TRABD2B: variants seen among roughly 807,000 people sequenced by gnomAD.
TRABD2B encodes the protein metalloprotease TIKI2.
In TRABD2B, 14 loss-of-function variants were observed where a neutral mutation model predicts 40.1. The ratio of observed to expected loss-of-function variants is 0.35; its 90% CI spans 0.23 to 0.55. TRABD2B has a LOEUF of 0.55. Among genes scored for constraint, TRABD2B ranks in the 20% least tolerant of loss-of-function variants. The pLI, the probability that TRABD2B is intolerant of heterozygous loss-of-function variation, is 0.90. For synonymous variants in TRABD2B, 263 were observed against 277.0 expected (o/e 0.95, Z 0.50); for missense variants, 541 against 648.6 (o/e 0.83, Z 1.80).
At chr1:47,807,473 T>C (rs1290507102) in intron 2 of TRABD2B, among the ~76,000 whole-genome samples, 1 of 152,196 alleles carries the variant, frequency 6.6e-6, no homozygotes, top group African/African-American at 2.4e-5. Context: ...TTAAGAACCA[T>C]GAGCAGTTGA....
intron 2 of TRABD2B, among the ~76,000 whole-genome samples, chr1:47,941,003 ACTC>A (rs1645179419): frequency 6.6e-6 from 1 of 151,772 alleles, no homozygotes; most frequent in Non-Finnish European, 1.5e-5. Flanking sequence ...ACACTTACCC[ACTC>A]CCGACTGGCT....
chr1:47,955,256 C>T (rs1645401758), intron 2 of TRABD2B, among the ~76,000 whole-genome samples: 1 of 152,190 alleles, frequency 6.6e-6, no homozygotes, highest in African/African-American at 2.4e-5. Context: ...ACAACTACTA[C>T]GTTAAGAACC....
intron 2 of TRABD2B, among the ~76,000 whole-genome samples, chr1:47,965,601 G>A (rs1186032639): frequency 6.6e-6 from 1 of 152,152 alleles, no homozygotes; most frequent in East Asian, 1.9e-4. Flanking sequence ...GACACTGGGG[G>A]AGTCTGTTTC....
chr1:47,824,205 C>T (rs1340919615), intron 2 of TRABD2B, among the ~76,000 whole-genome samples: 1 of 152,144 alleles, frequency 6.6e-6, no homozygotes, highest in African/African-American at 2.4e-5. Flanking sequence ...CGCTCGTGTC[C>T]TCTTTCCTCA....
intron 2 of TRABD2B, among the ~76,000 whole-genome samples, chr1:47,857,814 T>C (rs369822810): frequency 2.8e-4 from 42 of 151,936 alleles, no homozygotes; most frequent in African/African-American, 9.7e-4. Flanking sequence ...TAAGTCCTCA[T>C]TGAGGAGTAA....
chr1:47,908,442 C>T (rs1644707460), intron 2 of TRABD2B, among the ~76,000 whole-genome samples: 2 of 152,154 alleles, frequency 1.3e-5, no homozygotes, highest in South Asian at 4.2e-4. Context: ...GTCCTCTGGG[C>T]CTCAGCTTCC....
intron 2 of TRABD2B, among the ~76,000 whole-genome samples, chr1:47,989,354 G>A (rs1035696162): frequency 1.3e-5 from 2 of 152,152 alleles, no homozygotes; most frequent in Admixed American, 1.3e-4. Context: ...GATGCTGCAT[G>A]GTGGAACGGA....
chr1:47,895,250 G>A (rs935345310), intron 2 of TRABD2B, among the ~76,000 whole-genome samples: 4 of 151,948 alleles, frequency 2.6e-5, no homozygotes, highest in Admixed American at 6.6e-5. Flanking sequence ...CAGCCCACTC[G>A]CCCCACCCCC....
chr1:47,961,421 A>G (rs1041217233), intron 2 of TRABD2B, among the ~76,000 whole-genome samples: 6 of 152,254 alleles, frequency 3.9e-5, no homozygotes, highest in African/African-American at 9.6e-5. Flanking sequence ...CAGAGTGAAC[A>G]GGCAACCTAC....
At chr1:47,792,325 C>T (rs1333269506) in intron 4 of TRABD2B, among the ~76,000 whole-genome samples, 1 of 152,184 alleles carries the variant, frequency 6.6e-6, no homozygotes, top group Non-Finnish European at 1.5e-5. Flanking sequence ...TACATGCTAC[C>T]AAAGACACAG....
chr1:47,813,675 C>T lies in TRABD2B; in HGVS notation c.667-12056G>A, dbSNP rs1484777534. Among the ~76,000 whole-genome samples, 2 of 152,132 alleles carry T rather than the reference C, an allele frequency of 1.3e-5. No individual in the cohort carries two copies. The highest frequency in any genetic ancestry group is 2.9e-5 in the Non-Finnish European group (2 of 68,028). On this transcript the variant is annotated intron_variant, in intron 2 of 6. Transcript: ENST00000606738. The surrounding 1 kb of genome is among the most constrained non-coding windows in gnomAD (Gnocchi z 4.3). ...TAAAAACCTTGTAAAGCAATATTGC[C>T]CTTCCTTAGGACACATACCCACACC...
intron 3 of TRABD2B, among the ~76,000 whole-genome samples, chr1:47,798,026 C>A (rs1302983028): frequency 6.6e-6 from 1 of 152,164 alleles, no homozygotes; most frequent in Non-Finnish European, 1.5e-5. Context: ...ATCCATCCAA[C>A]AGACACCCTG....
At chr1:47,949,033 T>G (rs1463467066) in intron 2 of TRABD2B, among the ~76,000 whole-genome samples, 3 of 152,194 alleles carry the variant, frequency 2.0e-5, no homozygotes, top group Non-Finnish European at 1.5e-5. Flanking sequence ...GTTACGTGAC[T>G]AACATAAGGG....
intron 4 of TRABD2B, among the ~76,000 whole-genome samples, chr1:47,792,871 A>T (rs777137354): frequency 6.6e-6 from 1 of 152,042 alleles, no homozygotes; most frequent in Non-Finnish European, 1.5e-5. Flanking sequence ...TGGGGGCTGG[A>T]TGACTCAGGG....
intron 5 of TRABD2B, among the ~76,000 whole-genome samples, chr1:47,776,245 G>C (rs556938322): frequency 6.6e-6 from 1 of 152,306 alleles, no homozygotes; most frequent in African/African-American, 2.4e-5. Context: ...GTGGAGCAAA[G>C]ACAGTGTTAA....
At chr1:47,927,928 A>G (rs1250406720) in intron 2 of TRABD2B, among the ~76,000 whole-genome samples, 1 of 152,248 alleles carries the variant, frequency 6.6e-6, no homozygotes, top group Non-Finnish European at 1.5e-5. Flanking sequence ...GAGAGGGTTA[A>G]GCCCTTCGTA....
intron 2 of TRABD2B, among the ~76,000 whole-genome samples, chr1:47,916,414 G>T (rs544889585): frequency 6.6e-6 from 1 of 152,208 alleles, no homozygotes; most frequent in Non-Finnish European, 1.5e-5. Context: ...TGAAGGAGGG[G>T]ACCAGGCGTG....
chr1:47,934,545 C>T (rs12065951), intron 2 of TRABD2B, among the ~76,000 whole-genome samples: 22,543 of 152,240 alleles, frequency 0.15, 1,918 homozygotes, highest in East Asian at 0.35. Context: ...GATCTCCCCT[C>T]GCGTGAGCAG....
intron 2 of TRABD2B, among the ~76,000 whole-genome samples, chr1:47,919,546 G>C (rs567939511): frequency 6.6e-6 from 1 of 152,340 alleles, no homozygotes; most frequent in Non-Finnish European, 1.5e-5. Context: ...TTATCTGCTG[G>C]CTGACTGTGG....
Sources: gnomAD v4.1 joint callset for allele counts (sites outside exome capture counted in the v4.1 genomes callset) on GRCh38, gnomAD v4.1.1 for gene constraint, Gnocchi (gnomAD v3.1) non-coding constraint, MANE v1.5 for transcripts, NCBI Gene and HGNC (gene_info 2026-07-23, HGNC 2026-07-21) for gene names.